ARID1B: variants seen among roughly 807,000 people sequenced by gnomAD.
The protein encoded by ARID1B is AT-rich interactive domain-containing protein 1B.
In ARID1B, 30 loss-of-function variants were observed where a neutral mutation model predicts 212.3. The observed-to-expected ratio is 0.14, with a 90% CI of 0.11 to 0.19. ARID1B has a LOEUF of 0.19. Ranked by LOEUF, ARID1B falls within the 10% of genes least tolerant of loss-of-function variation. The pLI, the probability that ARID1B is intolerant of heterozygous loss-of-function variation, is 1.00. For missense variants in ARID1B, 2,891 were observed against 3,204.0 expected (o/e 0.90, Z 2.36); for synonymous variants, 1,402 against 1,301.7 (o/e 1.08, Z -1.66).
intron 2 of ARID1B, among the ~76,000 whole-genome samples, chr6:156,898,121 G>A (rs956779517): frequency 6.6e-6 from 1 of 152,042 alleles, no homozygotes; most frequent in East Asian, 1.9e-4. Context: ...AGGGCCGCCC[G>A]AGCTACCAGT....
chr6:156,940,919 A>C (rs1792625265), intron 4 of ARID1B: 1 of 152,224 alleles, frequency 6.6e-6, no homozygotes, highest in South Asian at 2.1e-4. Flanking sequence ...AAAAGTTAAA[A>C]TCTACCAGGT....
At chr6:157,034,561 G>A (rs978847516) in intron 4 of ARID1B, among the ~76,000 whole-genome samples, 1 of 152,136 alleles carries the variant, frequency 6.6e-6, no homozygotes, top group Non-Finnish European at 1.5e-5. Flanking sequence ...ATGACAAAAG[G>A]AACAAAAAAG....
At chr6:157,021,624 C>T (rs1031382736) in intron 4 of ARID1B, among the ~76,000 whole-genome samples, 17 of 152,258 alleles carry the variant, frequency 1.1e-4, no homozygotes, top group African/African-American at 3.1e-4. Context: ...GGCGCCGCGC[C>T]GCGCACAGAT....
At chr6:157,121,022 G>A (rs550313214) in intron 6 of ARID1B, among the ~76,000 whole-genome samples, 3 of 152,216 alleles carry the variant, frequency 2.0e-5, no homozygotes, top group African/African-American at 7.2e-5. Context: ...TTTTCCAACA[G>A]GATTTAAAGT....
chr6:156,836,442 A>G (rs1015531593), intron 2 of ARID1B, among the ~76,000 whole-genome samples: 2 of 152,128 alleles, frequency 1.3e-5, no homozygotes, highest in African/African-American at 4.8e-5. Flanking sequence ...CACTCGGTGA[A>G]TCAGAAACTC....
At chr6:156,888,612 C>T (rs1787698348) in intron 2 of ARID1B, among the ~76,000 whole-genome samples, 1 of 151,790 alleles carries the variant, frequency 6.6e-6, no homozygotes, top group South Asian at 2.1e-4. Flanking sequence ...GAGATGTACT[C>T]ATTACTAAAT....
chr6:156,831,192 G>A (rs1202597885), intron 2 of ARID1B, among the ~76,000 whole-genome samples: 3 of 152,218 alleles, frequency 2.0e-5, no homozygotes, highest in Admixed American at 1.3e-4. Context: ...CATTAGTTGA[G>A]AGGAAGACAG....
chr6:156,909,722 CT>C (rs1789713810), intron 3 of ARID1B, among the ~76,000 whole-genome samples: 1 of 152,186 alleles, frequency 6.6e-6, no homozygotes, highest in Admixed American at 6.5e-5. Context: ...TGTGGCTTAA[CT>C]TGCTCATCTG....
intron 8 of ARID1B, among the ~76,000 whole-genome samples, chr6:157,161,455 T>TA (rs1790940653): frequency 4.4e-5 from 6 of 137,198 alleles, no homozygotes; most frequent in African/African-American, 1.5e-4. Flanking sequence ...ATATATATAT[T>TA]TTGGCGGGGG....
At chr6:156,945,389 G>A (rs1243009504) in intron 4 of ARID1B, among the ~76,000 whole-genome samples, 3 of 151,664 alleles carry the variant, frequency 2.0e-5, no homozygotes, top group Admixed American at 6.6e-5. Flanking sequence ...CTGAGGCAGT[G>A]GCAGAAGCCA....
At chr6:156,928,301 C>A (rs541560566) in intron 3 of ARID1B, among the ~76,000 whole-genome samples, 1 of 152,202 alleles carries the variant, frequency 6.6e-6, no homozygotes, top group African/African-American at 2.4e-5. Flanking sequence ...TGTCTGCCAT[C>A]GGATCAGGAG....
chr6:156,835,122 C>A (rs1783413239), intron 2 of ARID1B, among the ~76,000 whole-genome samples: 1 of 151,810 alleles, frequency 6.6e-6, no homozygotes, highest in South Asian at 2.1e-4. Flanking sequence ...CGCCTGTAGT[C>A]CCAGCTCCTC....
At chr6:156,977,567 G>T (rs1486577134) in intron 4 of ARID1B, among the ~76,000 whole-genome samples, 1 of 151,944 alleles carries the variant, frequency 6.6e-6, no homozygotes, top group African/African-American at 2.4e-5. Context: ...TATATTTTTT[G>T]AACATGTGGA....
intron 4 of ARID1B, among the ~76,000 whole-genome samples, chr6:157,008,791 T>TC (rs1779393690): frequency 1.3e-5 from 2 of 152,088 alleles, no homozygotes; most frequent in Non-Finnish European, 2.9e-5. Flanking sequence ...GCATGGGTCC[T>TC]TCACTGGTCA....
At chr6:156,789,315 A>G (rs940875604) in intron 1 of ARID1B, among the ~76,000 whole-genome samples, 6 of 152,166 alleles carry the variant, frequency 3.9e-5, no homozygotes, top group African/African-American at 1.4e-4. Flanking sequence ...AGGATTTAAT[A>G]CTCAGTTCAT....
Position 157,021,840 on chromosome 6 carries a change from C to G in ARID1B, c.2248-62822C>G, listed in dbSNP as rs541404620. Among the ~76,000 whole-genome samples the G allele has an allele frequency of 1.2e-4, 18 of 152,266 alleles. No individual in the cohort carries two copies. The South Asian group carries it at 3.7e-3, about 32-fold the overall frequency. On this transcript the variant is annotated intron_variant, in intron 4 of 19. Transcript: ENST00000636930. ...GTACACATGAGCCGGCGCGGCCAGA[C>G]TCACGCAGGCACCGAGTGTTTCCCC...
intron 5 of ARID1B, among the ~76,000 whole-genome samples, chr6:157,100,649 A>G (rs927845610): frequency 6.6e-6 from 1 of 152,204 alleles, no homozygotes; most frequent in Non-Finnish European, 1.5e-5. Context: ...CATTTACACC[A>G]TTAGGTATTA....
At position 156,778,018 on chromosome 6, in the gene ARID1B, G is replaced by T. The variant is rs1778760408; in HGVS notation, c.338G>T (p.Ser113Ile). The change falls in exon 1 of 20, where the codon AGC (serine) becomes ATC (isoleucine). Residue 113 changes from serine (S) to isoleucine (I), a missense_variant. Coordinates refer to ENST00000636930, the MANE Select transcript of ARID1B (RefSeq NM_001374828.1). ...GAGGCGGCTCTCAAGGAGGGTGGAA[G>T]CGCCGCCGCGCTGTCCTCCTCCTCC... Reference protein sequence around the residue: ...GSEAALKEGGSAAALSSSSSS... With the variant: ...GSEAALKEGGIAAALSSSSSS... 1.3e-6 allele frequency: 2 copies of T among 1,533,368 alleles called. No individual in the cohort carries two copies. Among genetic ancestry groups the T allele is most frequent in the Non-Finnish European group, 1.7e-6 (2 of 1,145,424 alleles). The allele number at this position is 1,533,368 out of a possible 1,614,324, so 95.0% of individuals were successfully genotyped here.
At chr6:157,091,264 A>T (rs969889970) in intron 5 of ARID1B, among the ~76,000 whole-genome samples, 1 of 152,162 alleles carries the variant, frequency 6.6e-6, no homozygotes, top group African/African-American at 2.4e-5. Flanking sequence ...AATCTCAGAC[A>T]AAAAGCATGA....
Sources: gnomAD v4.1 joint callset for allele counts (sites outside exome capture counted in the v4.1 genomes callset) on GRCh38, gnomAD v4.1.1 for gene constraint, MANE v1.5 for transcripts, NCBI Gene and HGNC (gene_info 2026-07-23, HGNC 2026-07-21) for gene names.